Variants in ADAM9 observed in about 807,000 individuals in gnomAD.
ADAM9 encodes the protein disintegrin and metalloproteinase domain-containing protein 9.
ADAM9 carries 54 observed loss-of-function variants against 108.1 expected under a neutral mutation model. The observed-to-expected ratio is 0.50, with a 90% confidence interval of 0.40 to 0.63. ADAM9 has a LOEUF of 0.63. ADAM9 is among the 20% of genes least tolerant of loss of function. The pLI is 0.00. For missense variants in ADAM9, 830 were observed against 997.7 expected, an observed-to-expected ratio of 0.83 and a Z score of 2.26; for synonymous variants, 316 against 336.0, an observed-to-expected ratio of 0.94 and a Z score of 0.65.
At chr8:39,051,629 C>T (rs946060808) in intron 12 of ADAM9, among the ~76,000 whole-genome samples, 2 of 152,140 alleles carry the variant, frequency 1.3e-5, no homozygotes, top group Admixed American at 1.3e-4. Flanking sequence ...TTTCTATTCT[C>T]CCATTTTGGT....
chr8:39,014,251 G>GT (rs1010923120), intron 4 of ADAM9: 8,671 of 450,944 alleles, frequency 0.019, no homozygotes, highest in South Asian at 0.039. Flanking sequence ...AGTAGTTAAG[G>GT]TTTTTTTTTT....
intron 7 of ADAM9, among the ~76,000 whole-genome samples, chr8:39,019,870 G>C (rs1412063400): frequency 6.6e-6 from 1 of 152,232 alleles, no homozygotes; most frequent in Non-Finnish European, 1.5e-5. Context: ...TAGGTTCATT[G>C]CCCTCAAGTG....
chr8:39,031,430 G>A (rs1018021421), intron 11 of ADAM9, among the ~76,000 whole-genome samples: 7 of 151,854 alleles, frequency 4.6e-5, no homozygotes, highest in African/African-American at 1.7e-4. Context: ...GTCACCTTTT[G>A]CTAATAACAC....
intron 20 of ADAM9, among the ~76,000 whole-genome samples, chr8:39,092,441 G>T (rs1270437735): frequency 6.6e-6 from 1 of 151,890 alleles, no homozygotes; most frequent in Non-Finnish European, 1.5e-5. Context: ...GTATCTTGGA[G>T]ATTTTTCCAT....
At chr8:39,082,114 A>T (rs1839043135) in intron 16 of ADAM9, among the ~76,000 whole-genome samples, 2 of 152,166 alleles carry the variant, frequency 1.3e-5, no homozygotes, top group African/African-American at 4.8e-5. Context: ...TAATAGAAAT[A>T]TCTAATCATG....
intron 18 of ADAM9, among the ~76,000 whole-genome samples, chr8:39,089,258 A>G (rs926774208): frequency 2.0e-5 from 3 of 152,186 alleles, no homozygotes; most frequent in Admixed American, 1.3e-4. Flanking sequence ...GGAAAAGAAA[A>G]GAAAAAAAAA....
intron 11 of ADAM9, among the ~76,000 whole-genome samples, chr8:39,030,073 G>T (rs942499914): frequency 1.3e-5 from 2 of 152,102 alleles, no homozygotes; most frequent in Non-Finnish European, 2.9e-5. Flanking sequence ...TGGTATGGTT[G>T]TTAAAACTGA....
Position 39,104,290 on chromosome 8 carries a change from GA to G in ADAM9, c.*593del. The G allele has an allele frequency of 2.2e-6, 1 of 452,534 alleles. No individual in the cohort carries two copies. The highest frequency in any genetic ancestry group is 1.6e-5 in the South Asian group (1 of 64,208). 28.0% of individuals were successfully genotyped at this position (452,534 alleles called of 1,614,324 possible). A position where few individuals can be genotyped will look rare whatever the true frequency, so the allele number is the denominator to read the frequency against. On this transcript the variant is annotated 3_prime_UTR_variant, in exon 22 of 22. Coordinates refer to ENST00000487273, the MANE Select transcript of ADAM9 (RefSeq NM_003816.3). Reference sequence around the variant, plus strand: ...CACAATTAAGATGTCATATTATTTTGAAAGTACAAAATATACTAAAAGAGTG... The same window carrying G: ...CACAATTAAGATGTCATATTATTTTGAAGTACAAAATATACTAAAAGAGTG...
chr8:39,043,202 A>G (rs1270067275), intron 12 of ADAM9, among the ~76,000 whole-genome samples: 1 of 152,146 alleles, frequency 6.6e-6, no homozygotes, highest in African/African-American at 2.4e-5. Flanking sequence ...GGTGGTTTCT[A>G]CATCTTGGCT....
intron 2 of ADAM9, among the ~76,000 whole-genome samples, chr8:39,011,421 G>C (rs1208559358): frequency 2.0e-5 from 3 of 152,190 alleles, no homozygotes; most frequent in African/African-American, 7.2e-5. Flanking sequence ...ATGAATTTAA[G>C]AAGAGTTAGA....
intron 12 of ADAM9, among the ~76,000 whole-genome samples, chr8:39,042,558 A>G (rs955635549): frequency 6.6e-6 from 1 of 152,042 alleles, no homozygotes; most frequent in African/African-American, 2.4e-5. Context: ...TTGCTACTCA[A>G]AGTAGCACTC....
intron 16 of ADAM9, among the ~76,000 whole-genome samples, chr8:39,081,493 A>G (rs1314760919): frequency 2.6e-5 from 4 of 152,208 alleles, no homozygotes; most frequent in Admixed American, 1.3e-4. Flanking sequence ...TATCTCCTCT[A>G]AAGACTTGCG....
In ADAM9 at chr8:39,071,403, G is replaced by A. The variant is rs1838684066; in HGVS notation, c.1697G>A (p.Gly566Glu). The part of the protein sequence containing the change: ...SGNEYKKCAT[G>E]NALCGKLQCE... The stretch of plus-strand genomic sequence containing the variant: ...AATGAATACAAGAAGTGTGCCACTG[G>A]GTAAGTGGAGGTGCGGTCATAATGG... The change falls in exon 15 of 22, where the codon GGG becomes GAG. Residue 566 changes from glycine (G) to glutamate (E), a missense_variant and splice_region_variant. By Grantham distance (98) the Gly-to-Glu change is moderately conservative. Coordinates refer to ENST00000487273, the MANE Select transcript of ADAM9 (RefSeq NM_003816.3). 1 of 1,606,056 alleles carries A rather than the reference G, an allele frequency of 6.2e-7. No individual in the cohort carries two copies. The highest frequency in any genetic ancestry group is 8.5e-7 in the Non-Finnish European group (1 of 1,172,972).
intron 4 of ADAM9, chr8:39,015,596 C>T (rs927275298): frequency 2.0e-5 from 3 of 152,074 alleles, no homozygotes; most frequent in Non-Finnish European, 4.4e-5. Flanking sequence ...TTTAACATGG[C>T]CAGACTGTCA....
chr8:39,070,099 G>C (rs760948690), intron 14 of ADAM9, among the ~76,000 whole-genome samples: 73 of 142,936 alleles, frequency 5.1e-4, no homozygotes, highest in Non-Finnish European at 7.2e-4. Flanking sequence ...GCTGCAGTGA[G>C]CTATGACCTT....
chr8:39,043,402 G>A (rs1837514158), intron 12 of ADAM9, among the ~76,000 whole-genome samples: 1 of 152,126 alleles, frequency 6.6e-6, no homozygotes, highest in Admixed American at 6.5e-5. Flanking sequence ...CAGTGCACAA[G>A]GGTTCCAGTT....
chr8:39,064,031 C>T (rs1363801615), intron 14 of ADAM9, among the ~76,000 whole-genome samples: 1 of 152,160 alleles, frequency 6.6e-6, no homozygotes, highest in Non-Finnish European at 1.5e-5. Context: ...CTGCGCTTAT[C>T]ATCTTCTTTC....
intron 7 of ADAM9, 43 bp downstream of exon 7, chr8:39,018,961 A>T: frequency 1.3e-6 from 2 of 1,527,432 alleles, no homozygotes; most frequent in Non-Finnish European, 1.8e-6. Flanking sequence ...TGAAAAGGAT[A>T]TGAGAAGTGA....
intron 12 of ADAM9, among the ~76,000 whole-genome samples, chr8:39,045,337 CCTATACATGTGTGTACAT>C (rs1564300368): frequency 2.8e-5 from 4 of 142,838 alleles, no homozygotes; most frequent in East Asian, 2.1e-4. Context: ...TGTGTGTACA[CCTATACATGTGTGTACAT>C]ACATATAGGT....
Sources: allele counts gnomAD v4.1 joint callset (sites outside exome capture counted in the v4.1 genomes callset), GRCh38; gene constraint gnomAD v4.1.1; transcripts MANE v1.5; gene names NCBI Gene and HGNC (gene_info 2026-07-23, HGNC 2026-07-21).